Variants in DYNC1I1 observed in about 807,000 individuals in gnomAD.
DYNC1I1 encodes cytoplasmic dynein 1 intermediate chain 1.
In DYNC1I1, 43 loss-of-function variants were observed where a neutral mutation model predicts 86.6. That is an observed-to-expected ratio of 0.50 (90% CI 0.39 to 0.64). DYNC1I1 has a LOEUF of 0.64. Among genes scored for constraint, DYNC1I1 ranks in the 30% least tolerant of loss-of-function variants. The pLI is 0.00. For synonymous variants in DYNC1I1, 262 were observed against 283.7 expected (o/e 0.92, Z 0.77); for missense variants, 604 against 788.8 (o/e 0.77, Z 2.81).
chr7:95,895,404 G>A (rs144857643), intron 6 of DYNC1I1, among the ~76,000 whole-genome samples: 11 of 152,076 alleles, frequency 7.2e-5, no homozygotes, highest in African/African-American at 1.4e-4. Context: ...TGAGTTCTTC[G>A]GCAATTTCTC....
intron 9 of DYNC1I1, among the ~76,000 whole-genome samples, chr7:95,995,670 G>T (rs1192905600): frequency 2.6e-5 from 4 of 152,192 alleles, no homozygotes; most frequent in Non-Finnish European, 5.9e-5. Context: ...GCCAATACAG[G>T]AGAGGAAGGG....
intron 11 of DYNC1I1, among the ~76,000 whole-genome samples, chr7:96,028,543 G>A (rs1794735926): frequency 6.6e-6 from 1 of 152,138 alleles, no homozygotes; most frequent in East Asian, 1.9e-4. Context: ...ATGTAGGGAG[G>A]ATCTCCTTGG....
intron 6 of DYNC1I1, among the ~76,000 whole-genome samples, chr7:95,935,609 C>T (rs1792017974): frequency 6.6e-6 from 1 of 151,846 alleles, no homozygotes; most frequent in African/African-American, 2.4e-5. Flanking sequence ...TGCAAGTGCT[C>T]CAATTAAAAA....
intron 14 of DYNC1I1, among the ~76,000 whole-genome samples, chr7:96,068,588 G>T (rs544229973): frequency 6.6e-6 from 1 of 151,934 alleles, no homozygotes; most frequent in Non-Finnish European, 1.5e-5. Context: ...TGGGCACTTG[G>T]GTATACATTT....
chr7:95,959,186 C>T lies in DYNC1I1; in HGVS notation c.491-18326C>T, dbSNP rs567098716. Reference sequence around the variant, plus strand: ...GAGGCTATGAATGCTTGAGTGAAGGCGTCATGTGGGGCTGGGGTAGGGAGT... The same window carrying T: ...GAGGCTATGAATGCTTGAGTGAAGGTGTCATGTGGGGCTGGGGTAGGGAGT... On this transcript the variant is annotated intron_variant, in intron 6 of 16. Coordinates refer to ENST00000447467, the MANE Select transcript of DYNC1I1 (RefSeq NM_001135556.2). Among the ~76,000 whole-genome samples, 3 of 152,072 alleles carry T rather than the reference C, an allele frequency of 2.0e-5. No homozygotes were observed. In the South Asian group the frequency reaches 6.2e-4, roughly 32 times the overall value.
intron 1 of DYNC1I1, among the ~76,000 whole-genome samples, chr7:95,775,038 A>G (rs941032352): frequency 1.3e-5 from 2 of 152,264 alleles, no homozygotes; most frequent in Non-Finnish European, 2.9e-5. Context: ...TGAGCACTTT[A>G]CCAGGCATTG....
chr7:95,952,106 C>G (rs1404414123), intron 6 of DYNC1I1, among the ~76,000 whole-genome samples: 1 of 151,992 alleles, frequency 6.6e-6, no homozygotes, highest in Non-Finnish European at 1.5e-5. Context: ...AAGAATCTTT[C>G]CTATCATTTT....
intron 5 of DYNC1I1, among the ~76,000 whole-genome samples, chr7:95,839,554 T>C (rs557420246): frequency 6.6e-6 from 1 of 152,344 alleles, no homozygotes; most frequent in South Asian, 2.1e-4. Context: ...TCATTTTTAA[T>C]TCATTTGTCT....
At chr7:96,064,041 C>A (rs1435512003) in intron 14 of DYNC1I1, among the ~76,000 whole-genome samples, 3 of 152,102 alleles carry the variant, frequency 2.0e-5, no homozygotes, top group Non-Finnish European at 4.4e-5. Flanking sequence ...AATGCAGAGA[C>A]CGTTGATCAC....
chr7:95,956,123 G>A (rs910214142), intron 6 of DYNC1I1, among the ~76,000 whole-genome samples: 1 of 152,164 alleles, frequency 6.6e-6, no homozygotes, highest in Admixed American at 6.5e-5. Context: ...GTCTATAACA[G>A]GAGTATTCCT....
intron 5 of DYNC1I1, among the ~76,000 whole-genome samples, chr7:95,847,857 A>G (rs1789475792): frequency 6.6e-6 from 1 of 152,126 alleles, no homozygotes; most frequent in Non-Finnish European, 1.5e-5. Context: ...CAGAGCTTCT[A>G]TTCTCTATGA....
downstream of DYNC1I1, among the ~76,000 whole-genome samples, chr7:96,100,922 A>C (rs1791126145): frequency 6.6e-6 from 1 of 152,184 alleles, no homozygotes; most frequent in Non-Finnish European, 1.5e-5. Flanking sequence ...CCCAGAGTAC[A>C]CACCCTTCAA....
intron 1 of DYNC1I1, among the ~76,000 whole-genome samples, chr7:95,793,853 G>C (rs1186291859): frequency 6.6e-6 from 1 of 152,320 alleles, no homozygotes; most frequent in East Asian, 1.9e-4. Context: ...ATGCTGAAGA[G>C]CCACCGTGTG....
At chr7:95,885,863 G>A (rs111941140) in intron 6 of DYNC1I1, among the ~76,000 whole-genome samples, 3,776 of 152,056 alleles carry the variant, frequency 0.025, 132 homozygotes, top group African/African-American at 0.078. Context: ...CAGAAAGAAA[G>A]ACATTTTTAA....
In DYNC1I1 at chr7:95,777,624, G is replaced by T. The variant is rs148441797; in HGVS notation, c.-10+4851G>T. 1.1e-4 allele frequency among the ~76,000 whole-genome samples: 17 copies of T among 152,182 alleles called. No individual in the cohort carries two copies. In the East Asian group the frequency reaches 3.3e-3, roughly 29 times the overall value. On this transcript the variant is annotated intron_variant, in intron 1 of 16. Coordinates refer to ENST00000447467, the MANE Select transcript of DYNC1I1 (RefSeq NM_001135556.2). Reference sequence around the variant, plus strand: ...GCTTACCTATATTCTTGCTATGATCGCATAGAACAACCCACTGTTTCATTT... The same window carrying T: ...GCTTACCTATATTCTTGCTATGATCTCATAGAACAACCCACTGTTTCATTT...
At chr7:95,941,748 C>G (rs1053922503) in intron 6 of DYNC1I1, among the ~76,000 whole-genome samples, 1 of 152,200 alleles carries the variant, frequency 6.6e-6, no homozygotes, top group South Asian at 2.1e-4. Context: ...TGACCACTTG[C>G]GCTTCCCAAG....
At chr7:96,084,289 T>A (rs929492095) in intron 16 of DYNC1I1, among the ~76,000 whole-genome samples, 1 of 146,706 alleles carries the variant, frequency 6.8e-6, no homozygotes, top group African/African-American at 2.5e-5. Context: ...ACTAGAGTGT[T>A]ACTCTTAATG....
rs74710004 is a variant in DYNC1I1 at position 95,817,708 on chromosome 7, T to G, written c.314+4371T>G. Among the ~76,000 whole-genome samples the G allele has an allele frequency of 4.9e-3, 740 of 152,288 alleles. 5 individuals carry two copies. The highest frequency in any genetic ancestry group is 0.017 in the African/African-American group (699 of 41,562). ...AAACATGACAAGGCAAAGGACAGATTGTAATCCATGCCCCTACAGACCACA... is the reference window on the plus strand; with the variant it reads ...AAACATGACAAGGCAAAGGACAGATGGTAATCCATGCCCCTACAGACCACA... On this transcript the variant is annotated intron_variant, in intron 4 of 16. Transcript: ENST00000447467.
At chr7:95,870,694 A>C in intron 6 of DYNC1I1, among the ~76,000 whole-genome samples, 1 of 152,264 alleles carries the variant, frequency 6.6e-6, no homozygotes, top group East Asian at 1.9e-4. Context: ...TGTATGCCAG[A>C]AAAATATCAA....
Sources: allele counts gnomAD v4.1 joint callset (sites outside exome capture counted in the v4.1 genomes callset), GRCh38; gene constraint gnomAD v4.1.1; transcripts MANE v1.5; gene names NCBI Gene and HGNC (gene_info 2026-07-23, HGNC 2026-07-21).